ATP10B: variants seen among roughly 807,000 people sequenced by gnomAD.
ATP10B encodes ATPase phospholipid transporting 10B (putative).
ATP10B carries 122 observed loss-of-function variants against 141.2 expected under a neutral mutation model. That is an observed-to-expected ratio of 0.86 (90% CI 0.75 to 1.00). ATP10B has a LOEUF of 1.00. Ranked by LOEUF, ATP10B falls within the 50% of genes least tolerant of loss-of-function variation. ATP10B has a pLI of 0.00. For synonymous variants in ATP10B, 685 were observed against 692.0 expected, an observed-to-expected ratio of 0.99 and a Z score of 0.16; for missense variants, 1,876 against 1,825.3, an observed-to-expected ratio of 1.03 and a Z score of -0.51.
intron 7 of ATP10B, among the ~76,000 whole-genome samples, chr5:160,655,752 C>T (rs892167090): frequency 1.2e-4 from 18 of 152,128 alleles, no homozygotes; most frequent in South Asian, 4.2e-4. Context: ...TCTAGTCTTC[C>T]GTTCATTCAT....
intron 25 of ATP10B, among the ~76,000 whole-genome samples, chr5:160,566,765 C>T (rs1027356507): frequency 6.6e-6 from 1 of 152,224 alleles, no homozygotes; most frequent in Non-Finnish European, 1.5e-5. Flanking sequence ...CTCACATCCA[C>T]TTTCCAGATG....
chr5:160,921,260 CTATTCAGCACTT>C, the ATP10B span, among the ~76,000 whole-genome samples: 4 of 148,490 alleles, frequency 2.7e-5, no homozygotes, highest in Non-Finnish European at 4.4e-5. Context: ...TAGCAGCTTT[CTATTCAGCACTT>C]TGTTTTTTTT....
At chr5:160,859,738 T>C in the ATP10B span, among the ~76,000 whole-genome samples, 1 of 152,052 alleles carries the variant, frequency 6.6e-6, no homozygotes, top group East Asian at 1.9e-4. Flanking sequence ...CACTGGTGAC[T>C]GGTGACTAGA....
intron 22 of ATP10B, among the ~76,000 whole-genome samples, chr5:160,592,795 T>C (rs1756408357): frequency 6.6e-6 from 1 of 152,216 alleles, no homozygotes; most frequent in Non-Finnish European, 1.5e-5. Context: ...CCTACGCCCA[T>C]GGAGTCTCGC....
chr5:160,928,766 T>C, the ATP10B span, among the ~76,000 whole-genome samples: 1 of 152,186 alleles, frequency 6.6e-6, no homozygotes, highest in Admixed American at 6.5e-5. Flanking sequence ...TGCATAGTGA[T>C]TTTGTAACCT....
chr5:160,624,646 C>T (rs1214350258), intron 13 of ATP10B, among the ~76,000 whole-genome samples: 1 of 152,198 alleles, frequency 6.6e-6, no homozygotes, highest in Non-Finnish European at 1.5e-5. Flanking sequence ...CTAGTAGGCG[C>T]TCACATTTGT....
intron 1 of ATP10B, among the ~76,000 whole-genome samples, chr5:160,837,037 G>A (rs1414790220): frequency 6.6e-6 from 1 of 152,032 alleles, no homozygotes; most frequent in African/African-American, 2.4e-5. Context: ...TGGCTTCTAG[G>A]CATATACATA....
intron 7 of ATP10B, among the ~76,000 whole-genome samples, chr5:160,652,950 A>G (rs545674296): frequency 4.3e-5 from 4 of 92,412 alleles, no homozygotes; most frequent in African/African-American, 1.0e-4. Flanking sequence ...TATATATAAT[A>G]TATTATATAT....
chr5:160,865,180 A>G, the ATP10B span, among the ~76,000 whole-genome samples: 33 of 152,200 alleles, frequency 2.2e-4, no homozygotes, highest in Non-Finnish European at 4.0e-4. Context: ...ATTGTACTAT[A>G]AGGCTATAGT....
chr5:160,764,667 C>T (rs1769276927), intron 2 of ATP10B, among the ~76,000 whole-genome samples: 1 of 152,050 alleles, frequency 6.6e-6, no homozygotes, highest in Admixed American at 6.6e-5. Flanking sequence ...ACAAGAATAC[C>T]CACTTTTGCC....
chr5:160,707,736 C>A (rs1477221150), intron 3 of ATP10B, among the ~76,000 whole-genome samples: 1 of 152,070 alleles, frequency 6.6e-6, no homozygotes, highest in East Asian at 1.9e-4. Flanking sequence ...GACAAGACCA[C>A]AAACCCACAG....
chr5:160,633,483 C>G (rs185985455), intron 12 of ATP10B: 2 of 152,286 alleles, frequency 1.3e-5, no homozygotes, highest in East Asian at 1.9e-4. Flanking sequence ...TGTTCTCACT[C>G]ATAAGTGGGA....
chr5:160,689,137 A>G (rs1381442939), intron 3 of ATP10B, among the ~76,000 whole-genome samples, 194 bp from the exon 4 acceptor site: 2 of 152,260 alleles, frequency 1.3e-5, no homozygotes, highest in East Asian at 3.8e-4. Flanking sequence ...CCATATGATT[A>G]CCTCAATAGA....
chr5:160,604,316 A>G (rs1757259757), intron 19 of ATP10B, among the ~76,000 whole-genome samples: 2 of 152,178 alleles, frequency 1.3e-5, no homozygotes, highest in African/African-American at 4.8e-5. Flanking sequence ...AATGGTAATC[A>G]AGAGACTTGG....
At chr5:160,830,952 C>T (rs1775028697) in intron 1 of ATP10B, among the ~76,000 whole-genome samples, 1 of 130,022 alleles carries the variant, frequency 7.7e-6, no homozygotes, top group Non-Finnish European at 1.6e-5. Flanking sequence ...CTCTCTCTCT[C>T]TCTCTCATAC....
intron 3 of ATP10B, among the ~76,000 whole-genome samples, chr5:160,709,663 G>A (rs1462819152): frequency 1.1e-4 from 15 of 140,346 alleles, no homozygotes; most frequent in Non-Finnish European, 1.8e-4. Flanking sequence ...CATTGTGCAG[G>A]TTAGTTACAT....
Position 160,620,836 on chromosome 5 carries a change from A to G in ATP10B, c.1927T>C (p.Ser643Pro). The G allele has an allele frequency of 1.2e-6, 2 of 1,614,170 alleles. No homozygotes were observed. Among genetic ancestry groups the G allele is most frequent in the Non-Finnish European group, 1.7e-6 (2 of 1,180,022 alleles). ...AAGCTCTCCCCGAGGTCTGTGTCAG[A>G]GGGTGCAGTGGATGAGAATGACTGG... ...LSQSFSSTAP[S>P]DTDLGESLGA... Residue 643 changes from serine to proline, a missense_variant, in exon 15 of 26, where the codon TCT (serine) becomes CCT (proline). Transcript: ENST00000327245.
intron 13 of ATP10B, among the ~76,000 whole-genome samples, chr5:160,628,699 A>G (rs1238009308): frequency 1.3e-5 from 2 of 152,148 alleles, no homozygotes; most frequent in African/African-American, 4.8e-5. Flanking sequence ...CTGTGGTCTG[A>G]TGGCACTGAA....
chr5:160,675,065 T>C (rs1269082407), intron 6 of ATP10B, among the ~76,000 whole-genome samples: 2 of 152,204 alleles, frequency 1.3e-5, no homozygotes, highest in African/African-American at 4.8e-5. Context: ...GGCCGAATCC[T>C]GCTGATACAG....
Sources: allele counts gnomAD v4.1 joint callset (sites outside exome capture counted in the v4.1 genomes callset), GRCh38; gene constraint gnomAD v4.1.1; transcripts MANE v1.5; gene names NCBI Gene and HGNC (gene_info 2026-07-23, HGNC 2026-07-21).